The following ADAM32 variants were observed in gnomAD, a reference collection of about 807,000 sequenced individuals.
ADAM32 encodes ADAM metallopeptidase domain 32, also known as disintegrin and metalloproteinase domain-containing protein 32.
In ADAM32, 89 loss-of-function variants were observed where a neutral mutation model predicts 114.9. The observed-to-expected ratio is 0.77, with a 90% CI of 0.65 to 0.92. The LOEUF is 0.92. ADAM32 is among the 40% of genes least tolerant of loss of function. The pLI, the probability that ADAM32 is intolerant of heterozygous loss-of-function variation, is 0.00. For synonymous variants in ADAM32, 285 were observed against 307.5 expected, an observed-to-expected ratio of 0.93 and a Z score of 0.77; for missense variants, 870 against 932.8, an observed-to-expected ratio of 0.93 and a Z score of 0.88.
chr8:39,209,348 A>G (rs965624667), intron 11 of ADAM32, among the ~76,000 whole-genome samples: 1 of 152,022 alleles, frequency 6.6e-6, no homozygotes. Flanking sequence ...CTCTTTGTTA[A>G]GTATCTCTGA....
At chr8:39,137,014 T>G (rs1802845562) in intron 3 of ADAM32, among the ~76,000 whole-genome samples, 1 of 152,162 alleles carries the variant, frequency 6.6e-6, no homozygotes, top group East Asian at 1.9e-4. Context: ...CAAAAATAAG[T>G]AAATCTGTAG....
intron 19 of ADAM32, among the ~76,000 whole-genome samples, chr8:39,269,981 G>A (rs930462829): frequency 6.6e-5 from 10 of 152,194 alleles, no homozygotes; most frequent in Admixed American, 2.0e-4. Context: ...AGTGCTGAGC[G>A]GAGGGGCAAG....
At chr8:39,116,720 C>T (rs147571023) in intron 1 of ADAM32, among the ~76,000 whole-genome samples, 3 of 151,944 alleles carry the variant, frequency 2.0e-5, no homozygotes, top group Non-Finnish European at 4.4e-5. Context: ...TATTCGGATG[C>T]CTTTTATTTC....
At chr8:39,157,250 A>T (rs1804203427) in intron 6 of ADAM32, among the ~76,000 whole-genome samples, 1 of 152,122 alleles carries the variant, frequency 6.6e-6, no homozygotes, top group Admixed American at 6.5e-5. Context: ...CACTTTGATT[A>T]TAATATGTTT....
chr8:39,279,030 A>G (rs1034111131), intron 22 of ADAM32, among the ~76,000 whole-genome samples: 3 of 152,128 alleles, frequency 2.0e-5, no homozygotes, highest in Non-Finnish European at 1.5e-5. Flanking sequence ...TGCTTTTTCT[A>G]GGTGGCTTCT....
At chr8:39,271,512 A>G (rs1564729504) in intron 20 of ADAM32, among the ~76,000 whole-genome samples, 1 of 149,562 alleles carries the variant, frequency 6.7e-6, no homozygotes, top group Non-Finnish European at 1.5e-5. Flanking sequence ...AAAGCAATCT[A>G]AAGAAATACA....
At chr8:39,209,293 A>G (rs1490790749) in intron 11 of ADAM32, among the ~76,000 whole-genome samples, 2 of 152,034 alleles carry the variant, frequency 1.3e-5, no homozygotes, top group Non-Finnish European at 2.9e-5. Context: ...CAGTTTATCT[A>G]TTATTGCTCC....
chr8:39,124,422 T>TA (rs987346325), intron 2 of ADAM32, among the ~76,000 whole-genome samples: 2 of 151,302 alleles, frequency 1.3e-5, no homozygotes, highest in Non-Finnish European at 2.9e-5. Flanking sequence ...TTCTTTTTTT[T>TA]TTTTTTTATT....
rs1372475691 is a variant in ADAM32 at position 39,170,006 on chromosome 8, CTATT to C, written c.915+12_915+15del. ...CTGCAGGAGTTGCATTGGTATGTAA[CTATT>C]TAATCTTATTTTTTAAATTAACACG... On this transcript the variant is annotated intron_variant, in intron 10 of 24. Transcript: ENST00000379907. The C allele has an allele frequency of 6.5e-7, 1 of 1,547,594 alleles. No homozygotes were observed. Among genetic ancestry groups the C allele is most frequent in the South Asian group, 1.2e-5 (1 of 82,446 alleles).
intron 12 of ADAM32, among the ~76,000 whole-genome samples, chr8:39,214,050 G>A (rs567630192): frequency 3.3e-5 from 5 of 152,214 alleles, no homozygotes; most frequent in South Asian, 2.1e-4. Context: ...GTACTCCATT[G>A]TGTATATGTA....
At chr8:39,201,910 G>A (rs1163292223) in intron 11 of ADAM32, among the ~76,000 whole-genome samples, 1 of 152,138 alleles carries the variant, frequency 6.6e-6, no homozygotes, top group African/African-American at 2.4e-5. Context: ...CTTTGGTTCT[G>A]TTTATATGCT....
At chr8:39,245,690 A>T (rs1810871472) in intron 16 of ADAM32, among the ~76,000 whole-genome samples, 1 of 152,206 alleles carries the variant, frequency 6.6e-6, no homozygotes, top group Non-Finnish European at 1.5e-5. Flanking sequence ...TAGAACTGTT[A>T]GAAAATAAGT....
intron 11 of ADAM32, among the ~76,000 whole-genome samples, chr8:39,204,425 G>A (rs1169640714): frequency 6.6e-6 from 1 of 152,200 alleles, no homozygotes; most frequent in Non-Finnish European, 1.5e-5. Context: ...GATCGAATCA[G>A]CTACTGAAGC....
In ADAM32 at chr8:39,131,819, A is replaced by G. The variant is rs550819830; in HGVS notation, c.139-4838A>G. Among the ~76,000 whole-genome samples the G allele has an allele frequency of 3.3e-5, 5 of 152,190 alleles. No individual in the cohort carries two copies. The South Asian group carries it at 1.0e-3, about 32-fold the overall frequency. On this transcript the variant is annotated intron_variant, in intron 2 of 24. Coordinates refer to ENST00000379907, the MANE Select transcript of ADAM32 (RefSeq NM_145004.7). ...TACTATTTACAATATATATATTTCC[A>G]TTATTTTATTTTCAACCTATTTGTG...
chr8:39,274,471 C>T, intron 21 of ADAM32, 121 bp downstream of exon 21: 2 of 1,076,314 alleles, frequency 1.9e-6, no homozygotes, highest in Non-Finnish European at 2.8e-6. Flanking sequence ...GCACTAAAAT[C>T]CAGACTGCTA....
intron 11 of ADAM32, among the ~76,000 whole-genome samples, chr8:39,197,316 A>G (rs550949986): frequency 3.3e-5 from 5 of 151,490 alleles, no homozygotes; most frequent in Non-Finnish European, 5.9e-5. Flanking sequence ...TTTATTTTTT[A>G]GGTTCTATTT....
chr8:39,152,555 C>G (rs1803896801), intron 6 of ADAM32, among the ~76,000 whole-genome samples: 1 of 152,006 alleles, frequency 6.6e-6, no homozygotes, highest in African/African-American at 2.4e-5. Flanking sequence ...AACCCCGTCT[C>G]CACTAAAAAT....
At chr8:39,225,350 T>C (rs1809283751) in intron 14 of ADAM32, among the ~76,000 whole-genome samples, 1 of 152,154 alleles carries the variant, frequency 6.6e-6, no homozygotes, top group Admixed American at 6.5e-5. Context: ...ACTTCATACA[T>C]CATTACTTAT....
At chr8:39,264,419 T>A (rs1237864386) in intron 19 of ADAM32, among the ~76,000 whole-genome samples, 1 of 152,182 alleles carries the variant, frequency 6.6e-6, no homozygotes, top group Non-Finnish European at 1.5e-5. Flanking sequence ...TTTGGTCATT[T>A]CTTAGTGTGG....
Sources: gnomAD v4.1 joint callset for allele counts (sites outside exome capture counted in the v4.1 genomes callset) on GRCh38, gnomAD v4.1.1 for gene constraint, MANE v1.5 for transcripts, NCBI Gene and HGNC (gene_info 2026-07-23, HGNC 2026-07-21) for gene names.